The following SIRPA variants were observed in gnomAD, a reference collection of about 807,000 sequenced individuals.
The protein encoded by SIRPA is tyrosine-protein phosphatase non-receptor type substrate 1.
A neutral mutation model predicts 50.3 loss-of-function variants in SIRPA; 9 were observed. The ratio of observed to expected loss-of-function variants is 0.18; its 90% confidence interval spans 0.11 to 0.31. The LOEUF is 0.31. SIRPA is among the 10% of genes least tolerant of loss of function. The probability of loss-of-function intolerance (pLI) is 1.00; values close to 1 mark genes in which losing one functional copy is unlikely to be tolerated. For synonymous variants in SIRPA, 265 were observed against 284.1 expected, an observed-to-expected ratio of 0.93 and a Z score of 0.68; for missense variants, 474 against 661.6, an observed-to-expected ratio of 0.72 and a Z score of 3.11.
chr20:1,905,952 C>T (rs1043805426), intron 1 of SIRPA, among the ~76,000 whole-genome samples: 23 of 152,334 alleles, frequency 1.5e-4, no homozygotes, highest in African/African-American at 5.1e-4. Context: ...CTCATGCATG[C>T]ATCAAGGCAG....
chr20:1,918,584 C>T (rs927941523), intron 2 of SIRPA, among the ~76,000 whole-genome samples: 3 of 152,044 alleles, frequency 2.0e-5, no homozygotes, highest in East Asian at 1.9e-4. Flanking sequence ...TTTCCCCATG[C>T]GTAGAACGTC....
At chr20:1,911,461 A>C (rs961354433) in intron 1 of SIRPA, among the ~76,000 whole-genome samples, 23 of 152,208 alleles carry the variant, frequency 1.5e-4, no homozygotes, top group African/African-American at 5.3e-4. Context: ...AAATGATGCC[A>C]TGAAAATTTC....
chr20:1,914,428 A>C (rs67802885), intron 1 of SIRPA, among the ~76,000 whole-genome samples: 11 of 151,796 alleles, frequency 7.2e-5, no homozygotes, highest in Middle Eastern at 3.4e-3. Flanking sequence ...TATTTTACAG[A>C]TGAAGAAACC....
chr20:1,925,027 C>T (rs1252140479), intron 5 of SIRPA, 150 bp downstream of exon 5: 2 of 658,630 alleles, frequency 3.0e-6, no homozygotes, highest in Non-Finnish European at 5.4e-6. Context: ...GCAGTGGCCT[C>T]ACCATGTTAG....
At chr20:1,920,803 T>A (rs1985601977) in intron 2 of SIRPA, among the ~76,000 whole-genome samples, 1 of 152,272 alleles carries the variant, frequency 6.6e-6, no homozygotes, top group South Asian at 2.1e-4. Flanking sequence ...CTTATTTTTG[T>A]GAAGCATCTT....
chr20:1,939,111 C>T lies in SIRPA; in HGVS notation c.*1543C>T, dbSNP rs923831183. The T allele has an allele frequency of 1.3e-5, 2 of 152,574 alleles. No individual in the cohort carries two copies. The highest frequency in any genetic ancestry group is 2.9e-5 in the Non-Finnish European group (2 of 68,078). 9.5% of individuals were successfully genotyped at this position (152,574 alleles called of 1,614,324 possible). On this transcript the variant is annotated 3_prime_UTR_variant, in exon 8 of 8. Transcript: ENST00000358771. This position sits in a 1 kb window ranked among gnomAD's most constrained non-coding sequence, Gnocchi z 4.7. ...ACCCAGTTACCCTTTAACCCCCACC[C>T]TTCCAGTCGGGTGTGAGGGCCTGAC...
At chr20:1,905,577 GA>G (rs1984496894) in intron 1 of SIRPA, among the ~76,000 whole-genome samples, 1 of 152,158 alleles carries the variant, frequency 6.6e-6, no homozygotes, top group Non-Finnish European at 1.5e-5. Context: ...AGATTGGGAG[GA>G]CCTCCCAACC....
At chr20:1,895,871 C>T (rs1378708446) in intron 1 of SIRPA, among the ~76,000 whole-genome samples, 2 of 152,208 alleles carry the variant, frequency 1.3e-5, no homozygotes, top group African/African-American at 2.4e-5. Flanking sequence ...AGAGCAGGGC[C>T]GTCCGGCTTC....
chr20:1,918,053 G>A (rs1322687685), intron 2 of SIRPA, among the ~76,000 whole-genome samples: 3 of 152,120 alleles, frequency 2.0e-5, no homozygotes, highest in Admixed American at 6.5e-5. Context: ...CAGTGCCTTC[G>A]CTTTTCTCAG....
chr20:1,900,748 GTT>G (rs760786414), intron 1 of SIRPA, among the ~76,000 whole-genome samples: 6 of 152,230 alleles, frequency 3.9e-5, no homozygotes, highest in Non-Finnish European at 7.3e-5. Flanking sequence ...ACTTTCCACT[GTT>G]TCAGCCAGAA....
chr20:1,919,062 G>T (rs1478623155), intron 2 of SIRPA, among the ~76,000 whole-genome samples: 7 of 152,262 alleles, frequency 4.6e-5, no homozygotes, highest in Non-Finnish European at 8.8e-5. Flanking sequence ...CGCCTGGCCT[G>T]CAGTCAATGT....
At chr20:1,920,993 C>T (rs1311123320) in intron 2 of SIRPA, among the ~76,000 whole-genome samples, 2 of 152,242 alleles carry the variant, frequency 1.3e-5, no homozygotes, top group African/African-American at 4.8e-5. Context: ...GCTGCTTACT[C>T]CCTGCACTGA....
At position 1,934,179 on chromosome 20, in the gene SIRPA, A is replaced by G. The variant is rs1986447827; in HGVS notation, c.1227-536A>G. On this transcript the variant is annotated intron_variant, in intron 6 of 7. Transcript: ENST00000358771. The surrounding 1 kb of genome is among the most constrained non-coding windows in gnomAD (Gnocchi z 4.6). ...CTCCTCATAAACCTTTTAAATCTTTATCTGTGGATTTATCCTAATTTCCCT... is the reference window on the plus strand; with the variant it reads ...CTCCTCATAAACCTTTTAAATCTTTGTCTGTGGATTTATCCTAATTTCCCT... 2.0e-5 allele frequency among the ~76,000 whole-genome samples: 3 copies of G among 152,078 alleles called. No homozygotes were observed. Among genetic ancestry groups the G allele is most frequent in the Admixed American group, 2.0e-4 (3 of 15,250 alleles).
intron 1 of SIRPA, among the ~76,000 whole-genome samples, chr20:1,904,237 G>A (rs1166418466): frequency 3.9e-5 from 6 of 152,166 alleles, no homozygotes; most frequent in Non-Finnish European, 1.5e-5. Context: ...AGGAGGAGGC[G>A]GCCAAGAAAC....
At position 1,934,529 on chromosome 20, in the gene SIRPA, A is replaced by G. The variant is rs574970359; in HGVS notation, c.1227-186A>G. On this transcript the variant is annotated intron_variant, in intron 6 of 7. Coordinates refer to ENST00000358771, the MANE Select transcript of SIRPA (RefSeq NM_001040023.2). The surrounding 1 kb of genome is among the most constrained non-coding windows in gnomAD (Gnocchi z 4.6). ...AAAAAATGATAGTGCATTGCTTAGA[A>G]TTCCTTTTTAGTGAGATTGACCCCT... Among the ~76,000 whole-genome samples the G allele has an allele frequency of 6.6e-6, 1 of 152,306 alleles. No individual in the cohort carries two copies. The highest frequency in any genetic ancestry group is 1.9e-4 in the East Asian group (1 of 5,184).
intron 1 of SIRPA, among the ~76,000 whole-genome samples, chr20:1,899,088 G>A (rs952597840): frequency 1.3e-5 from 2 of 152,104 alleles, no homozygotes; most frequent in Admixed American, 6.5e-5. Context: ...TTGGACTGAC[G>A]GAAGGTTTCC....
intron 3 of SIRPA, 71 bp from the exon 4 acceptor site, chr20:1,922,242 C>T: frequency 6.3e-7 from 1 of 1,590,310 alleles, no homozygotes; most frequent in South Asian, 1.1e-5. Flanking sequence ...GGTGGGGGAG[C>T]TACGTTATGG....
Position 1,905,218 on chromosome 20 carries a change from T to G in SIRPA, c.79+9692T>G, listed in dbSNP as rs537696436. Among the ~76,000 whole-genome samples, 63 of 152,348 alleles carry G rather than the reference T, an allele frequency of 4.1e-4. No individual in the cohort carries two copies. The South Asian group carries it at 0.013, about 32-fold the overall frequency. On this transcript the variant is annotated intron_variant, in intron 1 of 7. Transcript: ENST00000358771. ...CAAATGTCGTTTAATAAATGCGTGT[T>G]GCTTTTAAGAGGGCCTTTATCTCAG...
rs139476824 is a variant in SIRPA, at chr20:1,921,478, G to A, written c.520G>A (p.Gly174Ser). ...HTVSFTCESH[G>S]FSPRDITLKW... Reference sequence around the variant, plus strand: ...AGTGAGCTTCACCTGCGAGTCCCACGGCTTCTCACCCAGAGACATCACCCT... The same window carrying A: ...AGTGAGCTTCACCTGCGAGTCCCACAGCTTCTCACCCAGAGACATCACCCT... Residue 174 changes from glycine (G) to serine (S), a missense_variant, in exon 3 of 8, where the codon GGC (glycine) becomes AGC (serine). Physicochemically the swap from Gly to Ser is moderately conservative, Grantham distance 56 (BLOSUM62 0). Transcript: ENST00000358771. The A allele has an allele frequency of 2.8e-4, 452 of 1,613,916 alleles. 1 individual carries two copies. The highest frequency in any genetic ancestry group is 2.7e-4 in the Admixed American group (16 of 60,012).
Sources: gnomAD v4.1 joint callset for allele counts (sites outside exome capture counted in the v4.1 genomes callset) on GRCh38, gnomAD v4.1.1 for gene constraint, Gnocchi (gnomAD v3.1) non-coding constraint, MANE v1.5 for transcripts, NCBI Gene and HGNC (gene_info 2026-07-23, HGNC 2026-07-21) for gene names.